COA1: variants seen among roughly 807,000 people sequenced by gnomAD.
The protein encoded by COA1 is cytochrome c oxidase assembly factor 1.
A neutral mutation model predicts 16.0 loss-of-function variants in COA1; 13 were observed. The observed-to-expected ratio is 0.81, with a 90% confidence interval of 0.53 to 1.29. The LOEUF (loss-of-function observed/expected upper bound fraction) is 1.29, where lower values mean the gene tolerates loss of function less well. Ranked by LOEUF, COA1 falls within the 50% of genes most tolerant of loss-of-function variation. The pLI is 0.00. For missense variants in COA1, 179 were observed against 177.0 expected, an observed-to-expected ratio of 1.01 and a Z score of -0.06; for synonymous variants, 65 against 65.7, an observed-to-expected ratio of 0.99 and a Z score of 0.05.
At position 43,691,357 on chromosome 7, in the gene COA1, GAGGGAGGGAGGGAGGGAGGGAGGA is replaced by G. The variant is rs1429597888; in HGVS notation, c.-39+38048_-39+38071del. Among the ~76,000 whole-genome samples, 15 of 33,320 alleles carry G rather than the reference GAGGGAGGGAGGGAGGGAGGGAGGA, an allele frequency of 4.5e-4. 1 individual carries two copies. The East Asian group carries it at 4.8e-3, about 11-fold the overall frequency. 21.9% of individuals were successfully genotyped at this position (33,320 alleles called of 152,430 possible). A position where few individuals can be genotyped will look rare whatever the true frequency, so the allele number is the denominator to read the frequency against. On this transcript the variant is annotated intron_variant, in intron 1 of 5. Transcript: ENST00000223336. ...AAAGAGAGAGAGGGAGGGAGGGAGG[GAGGGAGGGAGGGAGGGAGGGAGGA>G]AGGAAGGAAGGAAGGAAGGAAGGAA...
chr7:43,639,794 T>A (rs955262970), intron 5 of COA1, 113 bp from the exon 6 acceptor site: 7 of 732,808 alleles, frequency 9.6e-6, no homozygotes, highest in Non-Finnish European at 1.6e-5. Context: ...TAAATTTTTT[T>A]AAACATTATT....
intron 1 of COA1, among the ~76,000 whole-genome samples, chr7:43,701,541 T>C (rs1403459520): frequency 6.6e-6 from 1 of 152,266 alleles, no homozygotes; most frequent in Non-Finnish European, 1.5e-5. Flanking sequence ...TGCCCATATC[T>C]TTGCTATTGT....
chr7:43,681,263 T>C (rs2093757712), intron 1 of COA1, among the ~76,000 whole-genome samples: 2 of 152,338 alleles, frequency 1.3e-5, no homozygotes, highest in South Asian at 4.1e-4. Flanking sequence ...GGCTATTGCA[T>C]TTTTAGATTG....
chr7:43,727,891 G>A (rs1206636391), intron 1 of COA1, among the ~76,000 whole-genome samples: 3 of 152,068 alleles, frequency 2.0e-5, no homozygotes, highest in Non-Finnish European at 4.4e-5. Flanking sequence ...ACTAATGAAG[G>A]TGAAGAAGAT....
chr7:43,704,139 T>C (rs900976778), intron 1 of COA1, among the ~76,000 whole-genome samples: 1 of 152,256 alleles, frequency 6.6e-6, no homozygotes, highest in African/African-American at 2.4e-5. Context: ...ATGCTGAATA[T>C]AATCCCTTCT....
At chr7:43,679,025 TC>T (rs1273179366) in intron 1 of COA1, among the ~76,000 whole-genome samples, 1 of 152,136 alleles carries the variant, frequency 6.6e-6, no homozygotes, top group Non-Finnish European at 1.5e-5. Context: ...ACGCCTGTAA[TC>T]CCAACACTTC....
intron 6 of COA1, among the ~76,000 whole-genome samples, chr7:43,629,648 T>C (rs2084972926): frequency 6.6e-6 from 1 of 152,232 alleles, no homozygotes; most frequent in Non-Finnish European, 1.5e-5. Flanking sequence ...TTTGAAACTT[T>C]TGTTGGTAAC....
intron 6 of COA1, among the ~76,000 whole-genome samples, chr7:43,621,985 TA>T (rs2083942637): frequency 6.6e-6 from 1 of 152,202 alleles, no homozygotes; most frequent in African/African-American, 2.4e-5. Flanking sequence ...TAAATCTCTT[TA>T]TACCTCAGAT....
intron 1 of COA1, among the ~76,000 whole-genome samples, chr7:43,695,497 T>C (rs2094499369): frequency 6.6e-6 from 1 of 152,078 alleles, no homozygotes. Flanking sequence ...CCATCTAAGA[T>C]ACTATGCATT....
chr7:43,618,718 C>T (rs985460363), intron 6 of COA1, among the ~76,000 whole-genome samples: 3 of 152,262 alleles, frequency 2.0e-5, no homozygotes, highest in South Asian at 4.1e-4. Flanking sequence ...TTATTTTCCA[C>T]TGGGTAAAAA....
At chr7:43,611,675 C>G (rs2082892663) in intron 6 of COA1, among the ~76,000 whole-genome samples, 1 of 152,200 alleles carries the variant, frequency 6.6e-6, no homozygotes, top group African/African-American at 2.4e-5. Flanking sequence ...TGGGCTAATA[C>G]TTTAAGTATT....
At chr7:43,625,269 C>A (rs988593106) in intron 6 of COA1, 5 of 153,236 alleles carry the variant, frequency 3.3e-5, no homozygotes, top group African/African-American at 1.2e-4. Context: ...GCTACTTTTT[C>A]ACTTTGGATT....
At chr7:43,702,082 G>A (rs988174860) in intron 1 of COA1, among the ~76,000 whole-genome samples, 1 of 151,892 alleles carries the variant, frequency 6.6e-6, no homozygotes, top group African/African-American at 2.4e-5. Context: ...CTTACTTTTA[G>A]GTCTCGCTTA....
downstream of COA1, among the ~76,000 whole-genome samples, chr7:43,636,923 G>A (rs2085972418): frequency 6.6e-6 from 1 of 152,146 alleles, no homozygotes; most frequent in Admixed American, 6.5e-5. Context: ...TGTCAACAGT[G>A]GCATTCACAC....
intron 6 of COA1, among the ~76,000 whole-genome samples, chr7:43,611,640 T>C (rs552040536): frequency 4.6e-5 from 7 of 152,304 alleles, no homozygotes; most frequent in African/African-American, 1.4e-4. Flanking sequence ...AAGGAAGATA[T>C]GGCCTCCGCA....
intron 1 of COA1, among the ~76,000 whole-genome samples, chr7:43,728,475 T>C (rs1177886194): frequency 2.0e-5 from 3 of 152,214 alleles, no homozygotes; most frequent in African/African-American, 7.2e-5. Flanking sequence ...ATATAAAACT[T>C]TGCCATATCT....
At chr7:43,648,050 T>C (rs1207031118) in intron 2 of COA1, 3 of 199,656 alleles carry the variant, frequency 1.5e-5, no homozygotes, top group Non-Finnish European at 3.1e-5. Context: ...AGCCTGCGAA[T>C]GGGCTGGAGC....
At chr7:43,643,155 G>A (rs1017888014) in intron 4 of COA1, among the ~76,000 whole-genome samples, 3 of 152,162 alleles carry the variant, frequency 2.0e-5, no homozygotes, top group African/African-American at 7.2e-5. Flanking sequence ...GCCCAGGAAG[G>A]CGCCCTCTCA....
At chr7:43,670,715 CAT>C (rs1199187113) in intron 1 of COA1, among the ~76,000 whole-genome samples, 9 of 152,146 alleles carry the variant, frequency 5.9e-5, no homozygotes, top group African/African-American at 2.2e-4. Flanking sequence ...TGCCCACAAA[CAT>C]ATACTTTTAT....
Sources: allele counts gnomAD v4.1 joint callset (sites outside exome capture counted in the v4.1 genomes callset), GRCh38; gene constraint gnomAD v4.1.1; transcripts MANE v1.5; gene names NCBI Gene and HGNC (gene_info 2026-07-23, HGNC 2026-07-21).